The following FNBP1 variants were observed in gnomAD, a reference collection of about 807,000 sequenced individuals.
The protein encoded by FNBP1 is formin binding protein 1.
A neutral mutation model predicts 90.6 loss-of-function variants in FNBP1; 26 were observed. That is an observed-to-expected ratio of 0.29 (90% CI 0.21 to 0.40). The LOEUF (loss-of-function observed/expected upper bound fraction) is 0.40. Among genes scored for constraint, FNBP1 ranks in the 10% least tolerant of loss-of-function variants. FNBP1 has a pLI of 1.00. For missense variants in FNBP1, 635 were observed against 768.0 expected (o/e 0.83, Z 2.05); for synonymous variants, 260 against 265.2 (o/e 0.98, Z 0.19).
At chr9:129,927,804 A>G (rs555295834) in intron 7 of FNBP1, among the ~76,000 whole-genome samples, 1 of 49,050 alleles carries the variant, frequency 2.0e-5, no homozygotes, top group South Asian at 6.0e-4. Context: ...TTGTATTTTT[A>G]GTACAGATGG....
upstream of FNBP1, among the ~76,000 whole-genome samples, chr9:130,044,154 A>G (rs1324404894): frequency 6.6e-6 from 1 of 152,200 alleles, no homozygotes; most frequent in Admixed American, 6.5e-5. Context: ...CTCCTGAATC[A>G]CTAGCCCTTT....
At chr9:130,023,307 G>A (rs955545331) in intron 1 of FNBP1, among the ~76,000 whole-genome samples, 1 of 152,236 alleles carries the variant, frequency 6.6e-6, no homozygotes, top group Non-Finnish European at 1.5e-5. Flanking sequence ...TTAAAATCTG[G>A]CTTTTCCCCC....
At chr9:129,898,557 C>T (rs1300357886) in intron 15 of FNBP1, among the ~76,000 whole-genome samples, 1 of 152,056 alleles carries the variant, frequency 6.6e-6, no homozygotes, top group Non-Finnish European at 1.5e-5. Context: ...GTGGCACGAC[C>T]TCGGCTCACT....
At chr9:129,923,118 C>T (rs181823100) in intron 10 of FNBP1, among the ~76,000 whole-genome samples, 1 of 152,134 alleles carries the variant, frequency 6.6e-6, no homozygotes, top group East Asian at 1.9e-4. Context: ...CTGCCTTGGC[C>T]TCCTAAAGTG....
At chr9:130,025,903 G>A (rs2058297588) in intron 1 of FNBP1, among the ~76,000 whole-genome samples, 1 of 152,042 alleles carries the variant, frequency 6.6e-6, no homozygotes, top group South Asian at 2.1e-4. Context: ...CAGCCTGGGT[G>A]ACAGAGACAG....
the FNBP1 span, chr9:130,053,762 G>A: frequency 3.8e-5 from 24 of 628,010 alleles, no homozygotes; most frequent in Non-Finnish European, 6.3e-5. Context: ...GGGCCCCGAG[G>A]TGGGCAGCAC....
At chr9:129,897,897 T>C (rs1458379641) in intron 15 of FNBP1, among the ~76,000 whole-genome samples, 1 of 152,196 alleles carries the variant, frequency 6.6e-6, no homozygotes, top group African/African-American at 2.4e-5. Flanking sequence ...TGGCACGATC[T>C]TGGCTCACTG....
intron 1 of FNBP1, among the ~76,000 whole-genome samples, chr9:130,005,088 A>G (rs1482190857): frequency 7.1e-6 from 1 of 141,762 alleles, no homozygotes; most frequent in Non-Finnish European, 1.5e-5. Context: ...AAAAAAAAAA[A>G]GGCTGGGCAT....
intron 16 of FNBP1, among the ~76,000 whole-genome samples, chr9:129,894,633 G>T (rs1439833021): frequency 6.6e-6 from 1 of 152,206 alleles, no homozygotes; most frequent in Non-Finnish European, 1.5e-5. Context: ...GCAAGCGTGA[G>T]TGCAGCTCTA....
At chr9:129,946,738 T>C (rs1477604411) in intron 6 of FNBP1, among the ~76,000 whole-genome samples, 1 of 152,238 alleles carries the variant, frequency 6.6e-6, no homozygotes, top group African/African-American at 2.4e-5. Flanking sequence ...TAACTGCAGA[T>C]TCTGTTAGAC....
chr9:129,985,330 T>G (rs1589078787), intron 2 of FNBP1, among the ~76,000 whole-genome samples: 1 of 152,316 alleles, frequency 6.6e-6, no homozygotes, highest in Non-Finnish European at 1.5e-5. Flanking sequence ...ATTACCTTAT[T>G]AAGCCCACTC....
At chr9:130,005,725 T>C (rs2055600681) in intron 1 of FNBP1, among the ~76,000 whole-genome samples, 1 of 152,218 alleles carries the variant, frequency 6.6e-6, no homozygotes, top group African/African-American at 2.4e-5. Context: ...AGTGACTTCA[T>C]TGCTTGCCCA....
At position 129,957,861 on chromosome 9, in the gene FNBP1, C is replaced by A. The variant is rs1312709913; in HGVS notation, c.409-397G>T. Among the ~76,000 whole-genome samples the A allele has an allele frequency of 6.6e-6, 1 of 152,162 alleles. No homozygotes were observed. On this transcript the variant is annotated intron_variant, in intron 5 of 16. Transcript: ENST00000446176. This position sits in a 1 kb window ranked among gnomAD's most constrained non-coding sequence, Gnocchi z 4.3. ...AGCCAATGTGTCTGGCCCAAGAATA[C>A]TCTTCTCTGAATTGATTTCTTATAT...
intron 4 of FNBP1, among the ~76,000 whole-genome samples, chr9:129,961,984 G>A (rs927970461): frequency 1.1e-4 from 17 of 152,342 alleles, no homozygotes; most frequent in African/African-American, 3.8e-4. Context: ...TGGGTCCCCA[G>A]AGACTGACAT....
chr9:129,895,737 T>C (rs1588338141), intron 16 of FNBP1, 101 bp downstream of exon 16: 2 of 1,400,758 alleles, frequency 1.4e-6, no homozygotes, highest in Non-Finnish European at 1.8e-6. Context: ...TGCCAGCCAG[T>C]CTCTTGAGGA....
intron 6 of FNBP1, among the ~76,000 whole-genome samples, chr9:129,930,058 A>AT (rs374886919): frequency 0.015 from 2,097 of 138,192 alleles, 17 homozygotes; most frequent in Middle Eastern, 0.025. Flanking sequence ...TGAGAAATTC[A>AT]TTTTTTTTTT....
At chr9:129,936,621 T>A (rs1265463819) in intron 6 of FNBP1, 1 of 152,096 alleles carries the variant, frequency 6.6e-6, no homozygotes, top group East Asian at 1.9e-4. Context: ...AATTCAAACT[T>A]ACAGAATTGT....
At chr9:129,910,611 G>A (rs1227259295) in intron 11 of FNBP1, among the ~76,000 whole-genome samples, 1 of 152,026 alleles carries the variant, frequency 6.6e-6, no homozygotes, top group Admixed American at 6.6e-5. Flanking sequence ...AGGCAGGCTT[G>A]GGGCAGGGTA....
upstream of FNBP1, among the ~76,000 whole-genome samples, chr9:130,046,580 CAAAAAA>C (rs56392821): frequency 3.0e-5 from 2 of 66,790 alleles, no homozygotes; most frequent in African/African-American, 6.2e-5. Context: ...ACTAAAAATA[CAAAAAA>C]AAAAAAAAAA....
Sources: gnomAD v4.1 joint callset for allele counts (sites outside exome capture counted in the v4.1 genomes callset) on GRCh38, gnomAD v4.1.1 for gene constraint, Gnocchi (gnomAD v3.1) non-coding constraint, MANE v1.5 for transcripts, NCBI Gene and HGNC (gene_info 2026-07-23, HGNC 2026-07-21) for gene names.